Variants in PUSL1 observed in about 807,000 individuals in gnomAD.
PUSL1 encodes the protein tRNA pseudouridine synthase-like 1.
A neutral mutation model predicts 30.7 loss-of-function variants in PUSL1; 51 were observed. The ratio of observed to expected loss-of-function variants is 1.66; its 90% CI spans 1.33 to 2.10. The LOEUF is 2.10. Among genes scored for constraint, PUSL1 ranks in the 30% most tolerant of loss-of-function variants. The pLI is 0.00. For synonymous variants in PUSL1, 290 were observed against 192.1 expected (o/e 1.51, Z -4.21); for missense variants, 609 against 427.6 (o/e 1.42, Z -3.74).
rs367910343 is a variant in PUSL1, at chr1:1,311,112, G to A, written c.862+41G>A. The A allele has an allele frequency of 2.6e-6, 4 of 1,564,602 alleles. No homozygotes were observed. The African/African-American group carries it at 5.4e-5, about 21-fold the overall frequency. On this transcript the variant is annotated intron_variant, in intron 7 of 7. Coordinates refer to ENST00000379031, the MANE Select transcript of PUSL1 (RefSeq NM_153339.3). ...ACGAGAAGCTCCTGTCATGTGCCCA[G>A]TGACTACTGTGGCCGAGGCATGGGG...
At position 1,310,848 on chromosome 1, in the gene PUSL1, G is replaced by A. The variant is rs565784306; in HGVS notation, c.700-61G>A. ...GCGGCTCTGGGTCACAGGTACGGAG[G>A]ATGACGGCTGTGCTGGTGGGTCACG... On this transcript the variant is annotated intron_variant, in intron 6 of 7. Coordinates refer to ENST00000379031, the MANE Select transcript of PUSL1 (RefSeq NM_153339.3). 1.0e-4 allele frequency: 160 copies of A among 1,608,028 alleles called. 1 individual carries two copies. The South Asian group carries it at 1.2e-3, about 12-fold the overall frequency.
intron 1 of PUSL1, 34 bp from the exon 2 acceptor site, chr1:1,308,881 G>GC: frequency 1.4e-6 from 2 of 1,414,336 alleles, no homozygotes; most frequent in Non-Finnish European, 1.8e-6. Context: ...AGGGCAGGGC[G>GC]CCCCCGGTAA....
At chr1:1,310,358 T>C in intron 5 of PUSL1, 1 of 470,308 alleles carries the variant, frequency 2.1e-6, no homozygotes, top group Non-Finnish European at 3.8e-6. Flanking sequence ...GGACCCTAGG[T>C]GAGGGCCCAG....
chr1:1,311,189 G>C (rs560982280), intron 7 of PUSL1, 118 bp downstream of exon 7: 25 of 1,426,700 alleles, frequency 1.8e-5, no homozygotes, highest in African/African-American at 1.1e-4. Flanking sequence ...GCAGCCCCCC[G>C]CCCAGGGCTG....
intron 5 of PUSL1, 92 bp from the exon 6 acceptor site, chr1:1,310,542 C>A: frequency 1.9e-6 from 2 of 1,032,462 alleles, no homozygotes; most frequent in Non-Finnish European, 2.9e-6. Flanking sequence ...CGTCTTTAGG[C>A]CCACCCTGTC....
chr1:1,309,997 C>T, intron 5 of PUSL1, 146 bp downstream of exon 5: 1 of 605,782 alleles, frequency 1.7e-6, no homozygotes, highest in Non-Finnish European at 2.8e-6. Context: ...GGGGATTCGC[C>T]CGGACGCCCC....
rs1169536440 is a variant in PUSL1, at chr1:1,310,950, G to C, written c.741G>C (p.Gly247=). 6.2e-7 allele frequency: 1 copy of C among 1,608,158 alleles called. No homozygotes were observed. Among genetic ancestry groups the C allele is most frequent in the African/African-American group, 1.4e-5 (1 of 70,592 alleles). The change falls in exon 7 of 8, where the codon GGG becomes GGC. Residue 247 remains glycine, a synonymous_variant. Transcript: ENST00000379031. The stretch of plus-strand genomic sequence containing the variant: ...CTGTGCTGGTGGCCGTGGGGCTGGG[G>C]GCTTTGGCACCTGCCCAGGTGAAGA... ...MTAVLVAVGL[G]ALAPAQVKTI...
chr1:1,310,954 T>C lies in PUSL1; in HGVS notation c.745T>C (p.Leu249=). The part of the protein sequence containing the change: ...AVLVAVGLGA[L]APAQVKTILE... The stretch of plus-strand genomic sequence containing the variant: ...GCTGGTGGCCGTGGGGCTGGGGGCT[T>C]TGGCACCTGCCCAGGTGAAGACGAT... The change falls in exon 7 of 8, where the codon TTG becomes CTG. Residue 249 remains leucine, a synonymous_variant. Coordinates refer to ENST00000379031, the MANE Select transcript of PUSL1 (RefSeq NM_153339.3). The C allele has an allele frequency of 6.2e-7, 1 of 1,605,172 alleles. No homozygotes were observed. Among genetic ancestry groups the C allele is most frequent in the South Asian group, 1.1e-5 (1 of 91,052 alleles).
chr1:1,308,687 T>C lies in PUSL1; in HGVS notation c.44T>C (p.Leu15Pro). 1 of 1,555,312 alleles carries C rather than the reference T, an allele frequency of 6.4e-7. No homozygotes were observed. Among genetic ancestry groups the C allele is most frequent in the South Asian group, 1.2e-5 (1 of 84,500 alleles). The change falls in exon 1 of 8, where the codon CTT becomes CCT. Residue 15 changes from leucine to proline, a missense_variant. Transcript: ENST00000379031. Reference protein sequence around the residue: ...PASGSVRARYLVYFQYVGTDF... With the variant: ...PASGSVRARYPVYFQYVGTDF... The stretch of plus-strand genomic sequence containing the variant: ...TCAGGCTCCGTGCGCGCGCGCTATC[T>C]TGTGTACTTCCAGTACGTGGGCACC...
At position 1,311,494 on chromosome 1, in the gene PUSL1, C is replaced by A; in HGVS notation, c.*115C>A. ...CACTGCTGCCTGGTCTCCACAGTAG[C>A]CTCCCTGCCCGGGTCCCAGCACCCT... On this transcript the variant is annotated 3_prime_UTR_variant, in exon 8 of 8. Coordinates refer to ENST00000379031, the MANE Select transcript of PUSL1 (RefSeq NM_153339.3). 1 of 1,127,762 alleles carries A rather than the reference C, an allele frequency of 8.9e-7. No homozygotes were observed. Among genetic ancestry groups the A allele is most frequent in the South Asian group, 1.3e-5 (1 of 75,998 alleles). The allele number at this position is 1,127,762 out of a possible 1,614,324, so 69.9% of individuals were successfully genotyped here.
chr1:1,311,119 C>T (rs1642118866), intron 7 of PUSL1, 48 bp downstream of exon 7: 3 of 1,558,040 alleles, frequency 1.9e-6, no homozygotes, highest in Non-Finnish European at 2.6e-6. Context: ...CCAGTGACTA[C>T]TGTGGCCGAG....
Position 1,309,522 on chromosome 1 carries a change from TG to T in PUSL1, c.393del (p.Tyr132ThrfsTer106), listed in dbSNP as rs779005704. The T allele has an allele frequency of 1.2e-6, 2 of 1,611,396 alleles. No homozygotes were observed. Among genetic ancestry groups the T allele is most frequent in the East Asian group, 4.5e-5 (2 of 44,830 alleles). ...CACGCAGCCACGTCCCGGACCTACC[TG>T]TACCGCCTGGCCACTGGCTGTCACC... ...ARHAATSRTY[L>X]YRLATGCHRR... On this transcript the variant is annotated frameshift_variant, in exon 4 of 8. Coordinates refer to ENST00000379031, the MANE Select transcript of PUSL1 (RefSeq NM_153339.3). LOFTEE classifies it high-confidence loss of function.
At chr1:1,310,771 G>A (rs1192674037) in intron 6 of PUSL1, 83 bp downstream of exon 6, 1 of 1,609,914 alleles carries the variant, frequency 6.2e-7, no homozygotes, top group Non-Finnish European at 8.5e-7. Flanking sequence ...TGGGTCGTGG[G>A]CGGCTCTGGG....
chr1:1,308,812 CG>C, intron 1 of PUSL1, 92 bp downstream of exon 1: 1 of 1,438,474 alleles, frequency 7.0e-7, no homozygotes, highest in Non-Finnish European at 9.2e-7. Context: ...TCTCTGGACG[CG>C]GGTTCCAAAC....
In PUSL1 at chr1:1,308,609, G is replaced by A; in HGVS notation, c.-35G>A. ...GCGCGCGCGCAGGATTCCTGCGCTG[G>A]AGGCCGCCTCTGACGCCACCGGCTG... On this transcript the variant is annotated 5_prime_UTR_variant, in exon 1 of 8. Coordinates refer to ENST00000379031, the MANE Select transcript of PUSL1 (RefSeq NM_153339.3). 1 of 1,371,358 alleles carries A rather than the reference G, an allele frequency of 7.3e-7. No individual in the cohort carries two copies. Among genetic ancestry groups the A allele is most frequent in the Non-Finnish European group, 9.7e-7 (1 of 1,027,120 alleles). 84.9% of individuals were successfully genotyped at this position (1,371,358 alleles called of 1,614,324 possible). A position where few individuals can be genotyped will look rare whatever the true frequency, so the allele number is the denominator to read the frequency against.
chr1:1,309,650 A>G (rs1416456297), intron 4 of PUSL1, 31 bp from the exon 5 acceptor site: 3 of 1,595,648 alleles, frequency 1.9e-6, no homozygotes, highest in East Asian at 2.3e-5. Flanking sequence ...GGCCGGCCCC[A>G]CCCTCCTGAC....
chr1:1,310,713 C>G (rs528439337), intron 6 of PUSL1, 25 bp downstream of exon 6: 10 of 1,611,444 alleles, frequency 6.2e-6, no homozygotes, highest in East Asian at 2.2e-5. Flanking sequence ...GGGGCCGTCC[C>G]CAGGGGGTGG....
At chr1:1,310,188 A>AC (rs758527055) in intron 5 of PUSL1, 60 of 359,254 alleles carry the variant, frequency 1.7e-4, no homozygotes, top group Middle Eastern at 7.2e-4. Context: ...CCCGAGGGCC[A>AC]CCCACCAGGT....
rs1641972045 is a variant in PUSL1, at chr1:1,309,501, C to T, written c.371C>T (p.Ala124Val). 1 of 1,609,692 alleles carries T rather than the reference C, an allele frequency of 6.2e-7. No homozygotes were observed. The highest frequency in any genetic ancestry group is 8.5e-7 in the Non-Finnish European group (1 of 1,178,618). Reference sequence around the variant, plus strand: ...CCCAGCGACTTCCACGCTCGTCACGCAGCCACGTCCCGGACCTACCTGTAC... The same window carrying T: ...CCCAGCGACTTCCACGCTCGTCACGTAGCCACGTCCCGGACCTACCTGTAC... The part of the protein sequence containing the change: ...RVPSDFHARH[A>V]ATSRTYLYRL... The change falls in exon 4 of 8, where the codon GCA (alanine) becomes GTA (valine). Residue 124 changes from alanine (A) to valine (V), a missense_variant. Coordinates refer to ENST00000379031, the MANE Select transcript of PUSL1 (RefSeq NM_153339.3).
Sources: gnomAD v4.1 joint callset for allele counts on GRCh38, gnomAD v4.1.1 for gene constraint, MANE v1.5 for transcripts, NCBI Gene and HGNC (gene_info 2026-07-23, HGNC 2026-07-21) for gene names.